The following NIPBL variants were observed in gnomAD, a reference collection of about 807,000 sequenced individuals.
The protein encoded by NIPBL is NIPBL cohesin loading factor, also known as nipped-B-like protein.
A neutral mutation model predicts 321.8 loss-of-function variants in NIPBL; 19 were observed. The observed-to-expected ratio is 0.06, with a 90% CI of 0.04 to 0.09. The LOEUF (loss-of-function observed/expected upper bound fraction) is 0.09, where lower values mean the gene tolerates loss of function less well. Among genes scored for constraint, NIPBL ranks in the 10% least tolerant of loss-of-function variants. The probability of loss-of-function intolerance (pLI) is 1.00; values close to 1 mark genes in which losing one functional copy is unlikely to be tolerated. For synonymous variants in NIPBL, 1,106 were observed against 1,114.1 expected, an observed-to-expected ratio of 0.99 and a Z score of 0.14; for missense variants, 2,210 against 3,327.0, an observed-to-expected ratio of 0.66 and a Z score of 8.26.
intron 39 of NIPBL, 140 bp from the exon 40 acceptor site, chr5:37,048,967 ACACT>A (rs1303512087): frequency 7.4e-6 from 6 of 810,994 alleles, no homozygotes; most frequent in Non-Finnish European, 1.0e-5. Context: ...ACACACACAC[ACACT>A]CACACACAGA....
Position 37,010,158 on chromosome 5 carries a change from T to C in NIPBL, c.4493T>C (p.Ile1498Thr), listed in dbSNP as rs199570957. 2 of 1,610,824 alleles carry C rather than the reference T, an allele frequency of 1.2e-6. No individual in the cohort carries two copies. Among genetic ancestry groups the C allele is most frequent in the Non-Finnish European group, 1.7e-6 (2 of 1,177,118 alleles). The change falls in exon 21 of 47, where the codon ATT (isoleucine) becomes ACT (threonine). Residue 1498 changes from isoleucine to threonine, a missense_variant. Ile to Thr is a moderately conservative substitution (Grantham distance 89, BLOSUM62 -1). Coordinates refer to ENST00000282516, the MANE Select transcript of NIPBL (RefSeq NM_133433.4). ...GTTACAGCACTGGTTTTACAACTTA[T>C]TCAGTGTGTGGTACACTTACCATCA... ...QMVTALVLQL[I>T]QCVVHLPSSE...
At position 37,010,015 on chromosome 5, in the gene NIPBL, C is replaced by T; in HGVS notation, c.4422-72C>T. On this transcript the variant is annotated intron_variant, in intron 20 of 46. Coordinates refer to ENST00000282516, the MANE Select transcript of NIPBL (RefSeq NM_133433.4). ...TATTGGCAAACACAGTATCGTGAAA[C>T]TTTCAGACAATAGATGACATTTAAA... 21 of 1,213,754 alleles carry T rather than the reference C, an allele frequency of 1.7e-5. 2 individuals are homozygous for T. In the South Asian group the frequency reaches 2.6e-4, roughly 15 times the overall value. The allele number at this position is 1,213,754 out of a possible 1,614,324, so 75.2% of individuals were successfully genotyped here. A position where few individuals can be genotyped will look rare whatever the true frequency, so the allele number is the denominator to read the frequency against.
At chr5:36,991,350 GA>G (rs1745491282) in intron 10 of NIPBL, among the ~76,000 whole-genome samples, 1 of 151,920 alleles carries the variant, frequency 6.6e-6, no homozygotes, top group African/African-American at 2.4e-5. Context: ...AAGTATGTCT[GA>G]TTTTTTTATA....
intron 9 of NIPBL, among the ~76,000 whole-genome samples, chr5:36,978,246 C>T (rs1269173205): frequency 6.6e-6 from 1 of 151,996 alleles, no homozygotes; most frequent in Non-Finnish European, 1.5e-5. Flanking sequence ...GTTCCCTTTT[C>T]TCTGCAGCCT....
intron 9 of NIPBL, among the ~76,000 whole-genome samples, chr5:36,981,414 A>G (rs998098181): frequency 7.9e-5 from 12 of 151,552 alleles, no homozygotes; most frequent in Admixed American, 7.9e-4. Flanking sequence ...GAAGAAAGAC[A>G]TTTTTCTAGC....
In NIPBL at chr5:37,066,177, AT is replaced by A. The variant is rs1391089958; in HGVS notation, c.*1286del. 1 of 152,164 alleles carries A rather than the reference AT, an allele frequency of 6.6e-6. No individual in the cohort carries two copies. The highest frequency in any genetic ancestry group is 2.4e-5 in the African/African-American group (1 of 41,460). 9.4% of individuals were successfully genotyped at this position (152,164 alleles called of 1,614,324 possible). A position where few individuals can be genotyped will look rare whatever the true frequency, so the allele number is the denominator to read the frequency against. On this transcript the variant is annotated 3_prime_UTR_variant, in exon 47 of 47. Coordinates refer to ENST00000282516, the MANE Select transcript of NIPBL (RefSeq NM_133433.4). ...GGAGGGAGGTGTTTAATCATTTGATATGTATAGTTGACACTCAGGAATAGTA... is the reference window on the plus strand; with the variant it reads ...GGAGGGAGGTGTTTAATCATTTGATAGTATAGTTGACACTCAGGAATAGTA...
At chr5:36,920,820 C>A (rs545945200) in intron 1 of NIPBL, among the ~76,000 whole-genome samples, 3 of 151,482 alleles carry the variant, frequency 2.0e-5, no homozygotes, top group African/African-American at 7.3e-5. Context: ...CTTCTTTGTT[C>A]CTTAATTTTT....
At position 36,978,442 on chromosome 5, in the gene NIPBL, T is replaced by G. The variant is rs552440933; in HGVS notation, c.1495+2040T>G. Among the ~76,000 whole-genome samples, 6 of 152,118 alleles carry G rather than the reference T, an allele frequency of 3.9e-5. No homozygotes were observed. The East Asian group carries it at 5.8e-4, about 15-fold the overall frequency. ...GTCTTTTGCCCACTTTTTAGTGGGTTGTTTTTTTCTTGTTGATTTGAGTTC... is the reference window on the plus strand; with the variant it reads ...GTCTTTTGCCCACTTTTTAGTGGGTGGTTTTTTTCTTGTTGATTTGAGTTC... On this transcript the variant is annotated intron_variant, in intron 9 of 46. Coordinates refer to ENST00000282516, the MANE Select transcript of NIPBL (RefSeq NM_133433.4).
intron 1 of NIPBL, among the ~76,000 whole-genome samples, chr5:36,895,586 A>G (rs1011343797): frequency 1.3e-5 from 2 of 152,208 alleles, no homozygotes; most frequent in Non-Finnish European, 2.9e-5. Flanking sequence ...GTAGCAATGT[A>G]TGAAGGTTAG....
intron 2 of NIPBL, 108 bp from the exon 3 acceptor site, chr5:36,955,364 T>A (rs1396903957): frequency 2.1e-6 from 2 of 941,680 alleles, no homozygotes; most frequent in East Asian, 4.9e-5. Flanking sequence ...TTTTAATAAT[T>A]TGTCACATTG....
intron 1 of NIPBL, among the ~76,000 whole-genome samples, chr5:36,890,992 A>C (rs1391629706): frequency 6.6e-6 from 1 of 152,154 alleles, no homozygotes; most frequent in African/African-American, 2.4e-5. Flanking sequence ...CAGGCCGGGC[A>C]CGGTGGCTCA....
intron 27 of NIPBL, among the ~76,000 whole-genome samples, chr5:37,021,362 A>G (rs1050466576): frequency 1.3e-5 from 2 of 152,170 alleles, no homozygotes; most frequent in African/African-American, 4.8e-5. Context: ...ACAAATATAT[A>G]TTTGTATGAA....
At chr5:36,970,322 G>A (rs990120114) in intron 6 of NIPBL, among the ~76,000 whole-genome samples, 2 of 151,472 alleles carry the variant, frequency 1.3e-5, no homozygotes, top group Non-Finnish European at 1.5e-5. Context: ...GGAGTTTGAG[G>A]TTACAGTGAG....
intron 1 of NIPBL, chr5:36,885,061 C>A: frequency 4.5e-6 from 1 of 222,748 alleles, no homozygotes. Flanking sequence ...GGATTTATTG[C>A]AGTTTTAATT....
chr5:36,923,432 T>A (rs2149561745), intron 1 of NIPBL, among the ~76,000 whole-genome samples: 1 of 152,344 alleles, frequency 6.6e-6, no homozygotes, highest in South Asian at 2.1e-4. Context: ...TCTTGATATC[T>A]CTTGATCTGA....
intron 42 of NIPBL, among the ~76,000 whole-genome samples, chr5:37,055,148 A>G (rs1328682070): frequency 6.6e-6 from 1 of 152,162 alleles, no homozygotes; most frequent in Non-Finnish European, 1.5e-5. Flanking sequence ...CAGGAGTTCG[A>G]GAACAGCCTG....
intron 21 of NIPBL, among the ~76,000 whole-genome samples, chr5:37,013,177 C>T (rs1748413096): frequency 1.3e-5 from 2 of 151,084 alleles, no homozygotes; most frequent in South Asian, 4.2e-4. Context: ...GGGCTGACCC[C>T]CCCACCTCCC....
In NIPBL at chr5:36,959,175, C is replaced by A. The variant is rs1375455240; in HGVS notation, c.358+944C>A. On this transcript the variant is annotated intron_variant, in intron 4 of 46. Coordinates refer to ENST00000282516, the MANE Select transcript of NIPBL (RefSeq NM_133433.4). Reference sequence around the variant, plus strand: ...TGAGCTGAGATTGCACCACTGCCTTCCAGCCTGGGCGACAGAGCGAGACCC... The same window carrying A: ...TGAGCTGAGATTGCACCACTGCCTTACAGCCTGGGCGACAGAGCGAGACCC... Among the ~76,000 whole-genome samples the A allele has an allele frequency of 2.0e-5, 3 of 152,128 alleles. No homozygotes were observed. In the East Asian group the frequency reaches 5.8e-4, roughly 29 times the overall value.
chr5:37,011,883 TCTGTA>T lies in NIPBL; in HGVS notation c.4560+1659_4560+1663del, dbSNP rs796077782. On this transcript the variant is annotated intron_variant, in intron 21 of 46. Transcript: ENST00000282516. ...AGAATCACAACTTAAAGCAAAAGTT[TCTGTA>T]GATACACTTAGAAGTAAAATTAAGA... Among the ~76,000 whole-genome samples the T allele has an allele frequency of 1.6e-4, 25 of 152,320 alleles. No individual in the cohort carries two copies. In the South Asian group the frequency reaches 5.0e-3, roughly 30 times the overall value.
Sources: gnomAD v4.1 joint callset for allele counts (sites outside exome capture counted in the v4.1 genomes callset) on GRCh38, gnomAD v4.1.1 for gene constraint, MANE v1.5 for transcripts, NCBI Gene and HGNC (gene_info 2026-07-23, HGNC 2026-07-21) for gene names.